The following ZNG1E variants were observed in gnomAD, a reference collection of about 807,000 sequenced individuals.
ZNG1E encodes the protein Zn regulated GTPase metalloprotein activator 1E, also known as zinc-regulated GTPase metalloprotein activator 1E.
chr9:65,714,300 AAT>A, the ZNG1E span, among the ~76,000 whole-genome samples: 30 of 151,134 alleles, frequency 2.0e-4, no homozygotes, highest in Non-Finnish European at 3.4e-4. Context: ...CTTTGGTTTG[AAT>A]GTCCTCCCGT....
At chr9:65,667,225 C>T in the ZNG1E span, among the ~76,000 whole-genome samples, 3 of 152,178 alleles carry the variant, frequency 2.0e-5, no homozygotes, top group African/African-American at 7.2e-5. Context: ...CTTCTAGCAT[C>T]AGTTCAGAAT....
the ZNG1E span, among the ~76,000 whole-genome samples, chr9:65,668,484 A>G: frequency 6.6e-6 from 1 of 150,784 alleles, no homozygotes; most frequent in African/African-American, 2.4e-5. Flanking sequence ...ATTTATATAT[A>G]AATACTATAT....
the ZNG1E span, among the ~76,000 whole-genome samples, chr9:65,705,090 GTTAAGA>G: frequency 6.6e-6 from 1 of 150,474 alleles, no homozygotes; most frequent in Non-Finnish European, 1.5e-5. Context: ...ACCTTGAGTA[GTTAAGA>G]TTAAGGAAAA....
At chr9:65,684,550 G>GCACACGCACGCA in the ZNG1E span, among the ~76,000 whole-genome samples, 251 of 132,666 alleles carry the variant, frequency 1.9e-3, no homozygotes, top group African/African-American at 6.3e-3. Context: ...ACACACGCAC[G>GCACACGCACGCA]CACACACACA....
the ZNG1E span, among the ~76,000 whole-genome samples, chr9:65,722,701 T>TTGTA: frequency 4.1e-5 from 5 of 122,214 alleles, no homozygotes; most frequent in African/African-American, 9.2e-5. Context: ...TAGCTAATTT[T>TTGTA]TTTTTTTTTT....
the ZNG1E span, among the ~76,000 whole-genome samples, chr9:65,665,309 G>C: frequency 1.3e-5 from 2 of 152,256 alleles, no homozygotes; most frequent in Non-Finnish European, 2.9e-5. Flanking sequence ...TGCAGTCTAG[G>C]GACTTCATAC....
the ZNG1E span, among the ~76,000 whole-genome samples, chr9:65,723,567 T>C: frequency 1.3e-5 from 2 of 148,666 alleles, no homozygotes; most frequent in Non-Finnish European, 3.0e-5. Flanking sequence ...ATAGTATAGA[T>C]ATTATACAGG....
chr9:65,688,082 A>G, the ZNG1E span, among the ~76,000 whole-genome samples: 1 of 151,406 alleles, frequency 6.6e-6, no homozygotes, highest in Admixed American at 6.6e-5. Context: ...CTTTGCATTT[A>G]CTGTGATCAT....
the ZNG1E span, among the ~76,000 whole-genome samples, chr9:65,659,492 C>T: frequency 9.8e-6 from 1 of 101,996 alleles, no homozygotes; most frequent in Non-Finnish European, 1.8e-5. Context: ...GAGACTCCGT[C>T]TCAAAAAAAA....
chr9:65,683,988 A>T, the ZNG1E span, among the ~76,000 whole-genome samples: 1 of 152,292 alleles, frequency 6.6e-6, no homozygotes, highest in African/African-American at 2.4e-5. Flanking sequence ...CATTTTATAG[A>T]CAAAAACTTG....
the ZNG1E span, among the ~76,000 whole-genome samples, chr9:65,657,662 GTGACTA>G: frequency 3.3e-5 from 5 of 152,228 alleles, no homozygotes; most frequent in Non-Finnish European, 7.3e-5. Context: ...GCACAACAGG[GTGACTA>G]CAGTCAACAA....
At chr9:65,722,505 GTTTTGTTTTTGT>G in the ZNG1E span, among the ~76,000 whole-genome samples, 311 of 72,894 alleles carry the variant, frequency 4.3e-3, no homozygotes, top group African/African-American at 0.017. Context: ...CAATGTTTGG[GTTTTGTTTTTGT>G]TTTTGTTTTT....
the ZNG1E span, among the ~76,000 whole-genome samples, chr9:65,659,494 CAAAAAAA>C: frequency 3.5e-5 from 4 of 113,916 alleles, no homozygotes; most frequent in African/African-American, 1.3e-4. Context: ...GACTCCGTCT[CAAAAAAA>C]AAAAAAAAAA....
the ZNG1E span, among the ~76,000 whole-genome samples, chr9:65,668,212 A>T: frequency 3.9e-5 from 6 of 152,136 alleles, no homozygotes; most frequent in African/African-American, 1.4e-4. Context: ...ATTCATATAC[A>T]TGAGACTTAG....
At chr9:65,666,826 T>C in the ZNG1E span, among the ~76,000 whole-genome samples, 1 of 152,124 alleles carries the variant, frequency 6.6e-6, no homozygotes, top group Non-Finnish European at 1.5e-5. Flanking sequence ...TTTTTCTTTT[T>C]TTTTTCCTTT....
chr9:65,680,321 T>G, the ZNG1E span, among the ~76,000 whole-genome samples: 1 of 152,392 alleles, frequency 6.6e-6, no homozygotes, highest in East Asian at 1.9e-4. Context: ...TTTAATAAAC[T>G]AAAGAGAAAA....
the ZNG1E span, among the ~76,000 whole-genome samples, chr9:65,680,671 G>T: frequency 6.5e-3 from 914 of 140,742 alleles, 3 homozygotes; most frequent in Admixed American, 0.017. Flanking sequence ...GTATATTTCT[G>T]TATTAGAGGA....
chr9:65,663,305 G>A, the ZNG1E span, among the ~76,000 whole-genome samples: 11 of 151,948 alleles, frequency 7.2e-5, no homozygotes, highest in East Asian at 2.1e-3. Context: ...AATTGTACCT[G>A]TTTATTTAAT....
the ZNG1E span, among the ~76,000 whole-genome samples, chr9:65,666,698 CA>C: frequency 1.4e-5 from 2 of 147,922 alleles, no homozygotes. Flanking sequence ...CTACTGCTGT[CA>C]CCATCTGTAG....
Sources: allele counts gnomAD v4.1 joint callset (sites outside exome capture counted in the v4.1 genomes callset), GRCh38; gene constraint gnomAD v4.1.1; transcripts MANE v1.5; gene names NCBI Gene and HGNC (gene_info 2026-07-23, HGNC 2026-07-21).